The following ZFX variants were observed in gnomAD, a reference collection of about 807,000 sequenced individuals.
The protein encoded by ZFX is zinc finger X-chromosomal protein.
For missense variants in ZFX, 362 were observed against 628.3 expected, an observed-to-expected ratio of 0.58 and a Z score of 4.53; for synonymous variants, 196 against 226.8, an observed-to-expected ratio of 0.86 and a Z score of 1.22.
chrX:24,205,209 G>A (rs989663774), intron 5 of ZFX, among the ~76,000 whole-genome samples: 6 of 112,085 alleles, frequency 5.4e-5, no homozygotes, highest in Non-Finnish European at 1.1e-4. Context: ...CCCTCTAGTT[G>A]GTCTTCCACC....
intron 8 of ZFX, 93 bp downstream of exon 8, chrX:24,208,463 A>C: frequency 1.9e-6 from 2 of 1,060,308 alleles, no homozygotes; most frequent in Non-Finnish European, 2.6e-6. Context: ...TAGGTTTCAG[A>C]AGTCTGAAAT....
At chrX:24,155,632 A>G (rs1932749361) in intron 3 of ZFX, among the ~76,000 whole-genome samples, 1 of 112,327 alleles carries the variant, frequency 8.9e-6, no homozygotes, top group African/African-American at 3.2e-5. Flanking sequence ...ATTGTCTTCT[A>G]TTTGACACTC....
At chrX:24,149,829 A>G (rs897726923) in intron 1 of ZFX, 35 bp downstream of exon 1, 1 of 109,153 alleles carries the variant, frequency 9.2e-6, no homozygotes, top group African/African-American at 3.3e-5. Flanking sequence ...CGCGGGGCCT[A>G]GTGCGCGCAC....
rs747668510 is a variant in ZFX at position 24,210,872 on chromosome X, C to T, written c.1914C>T (p.Cys638=). The T allele has an allele frequency of 1.7e-5, 20 of 1,208,538 alleles. No individual in the cohort carries two copies. Among genetic ancestry groups the T allele is most frequent in the South Asian group, 1.1e-4 (6 of 56,626 alleles). ...GCAAAACACACCAGTGTTTGCATTG[C>T]GACCACAAGAGTTCGAACTCAAGTG... ...QESKTHQCLH[C]DHKSSNSSDL... The change falls in exon 10 of 10, where the codon TGC becomes TGT. Residue 638 remains cysteine (C), a synonymous_variant. Transcript: ENST00000304543.
intron 4 of ZFX, among the ~76,000 whole-genome samples, chrX:24,176,497 A>T (rs746387632): frequency 8.6e-4 from 83 of 96,791 alleles, no homozygotes; most frequent in African/African-American, 3.2e-3. Context: ...CAGTGATACA[A>T]TCTCGGCTCA....
chrX:24,154,586 C>A (rs1016374231), intron 3 of ZFX, among the ~76,000 whole-genome samples: 1 of 111,260 alleles, frequency 9.0e-6, no homozygotes, highest in Non-Finnish European at 1.9e-5. Context: ...TTTATTTGCT[C>A]TTTTCACCCA....
intron 3 of ZFX, among the ~76,000 whole-genome samples, chrX:24,171,795 C>G (rs1377501092): frequency 9.1e-6 from 1 of 110,049 alleles, no homozygotes; most frequent in Non-Finnish European, 1.9e-5. Context: ...ACAGCTGTCT[C>G]CCCTCCCTGC....
intron 3 of ZFX, among the ~76,000 whole-genome samples, chrX:24,156,027 G>T (rs776322968): frequency 1.8e-5 from 2 of 111,855 alleles, no homozygotes; most frequent in Admixed American, 9.5e-5. Flanking sequence ...CTCCTGAGTA[G>T]CTGGGATAAC....
intron 5 of ZFX, among the ~76,000 whole-genome samples, chrX:24,193,464 A>G (rs547698883): frequency 1.5e-3 from 163 of 111,681 alleles, no homozygotes; most frequent in Middle Eastern, 9.1e-3. Context: ...GCTAATGGGT[A>G]TGGTGTTTCT....
intron 5 of ZFX, 42 bp from the exon 6 acceptor site, chrX:24,207,284 A>C: frequency 9.8e-7 from 1 of 1,020,118 alleles, no homozygotes. Context: ...CATTTTATTT[A>C]AATATCTGTT....
intron 5 of ZFX, among the ~76,000 whole-genome samples, chrX:24,185,260 C>T (rs753551146): frequency 1.4e-4 from 16 of 111,364 alleles, no homozygotes; most frequent in East Asian, 2.8e-4. Context: ...CCACCTTGCC[C>T]GGCCTCTACA....
chrX:24,162,451 A>T, intron 3 of ZFX, among the ~76,000 whole-genome samples: 1 of 112,212 alleles, frequency 8.9e-6, no homozygotes, highest in Non-Finnish European at 1.9e-5. Context: ...AGTAATAATT[A>T]TATCTTCTAT....
upstream of ZFX, chrX:24,149,564 G>A (rs1439751829): frequency 1.1e-4 from 12 of 111,183 alleles, no homozygotes; most frequent in African/African-American, 3.2e-4. Context: ...CCGGGCGGAG[G>A]AGGGGGCCTG....
At chrX:24,155,644 C>T (rs757866329) in intron 3 of ZFX, among the ~76,000 whole-genome samples, 4 of 112,312 alleles carry the variant, frequency 3.6e-5, no homozygotes, top group South Asian at 3.6e-4. Context: ...TTGACACTCC[C>T]GCTGTGTTTG....
In ZFX at chrX:24,214,862, AATC is replaced by A. The variant is rs1938354926; in HGVS notation, c.*3489_*3491del. ...GGACTGTTACCACCTCCACAACAGA[AATC>A]ATGCCCTCGAGTTACCCCACTGCGC... On this transcript the variant is annotated 3_prime_UTR_variant, in exon 10 of 10. Coordinates refer to ENST00000304543, the MANE Select transcript of ZFX (RefSeq NM_003410.4). 1 of 111,676 alleles carries A rather than the reference AATC, an allele frequency of 9.0e-6. No homozygotes were observed. The highest frequency in any genetic ancestry group is 1.9e-5 in the Non-Finnish European group (1 of 53,164). The allele number at this position is 111,676 out of a possible 1,213,427, so 9.2% of individuals were successfully genotyped here. A position where few individuals can be genotyped will look rare whatever the true frequency, so the allele number is the denominator to read the frequency against.
chrX:24,150,147 G>A, intron 1 of ZFX: 1 of 100,024 alleles, frequency 1.0e-5, no homozygotes, highest in East Asian at 3.2e-4. Flanking sequence ...GCCGCAGGCC[G>A]GCCGGGCCGA....
At chrX:24,170,608 A>ATTTTTTTTTTTTTT (rs1217226048) in intron 3 of ZFX, among the ~76,000 whole-genome samples, 8 of 85,952 alleles carry the variant, frequency 9.3e-5, no homozygotes, top group Non-Finnish European at 1.8e-4. Context: ...TTTTTCTTTA[A>ATTTTTTTTTTTTTT]TTTTTTTTTT....
intron 3 of ZFX, among the ~76,000 whole-genome samples, chrX:24,171,490 T>C (rs1008779628): frequency 9.0e-6 from 1 of 111,079 alleles, no homozygotes; most frequent in Admixed American, 9.6e-5. Context: ...GACAGGTGTT[T>C]GAATTTTATT....
At chrX:24,158,963 G>A (rs1932975321) in intron 3 of ZFX, among the ~76,000 whole-genome samples, 1 of 109,411 alleles carries the variant, frequency 9.1e-6, no homozygotes, top group Admixed American at 9.8e-5. Flanking sequence ...ACATCTATTG[G>A]CGTGATGAAG....
Sources: allele counts gnomAD v4.1 joint callset (sites outside exome capture counted in the v4.1 genomes callset), GRCh38; gene constraint gnomAD v4.1.1; transcripts MANE v1.5; gene names NCBI Gene and HGNC (gene_info 2026-07-23, HGNC 2026-07-21).